Variants in DST observed in about 807,000 individuals in gnomAD.
DST encodes the protein bullous pemphigoid antigen.
In DST, 253 loss-of-function variants were observed where a neutral mutation model predicts 875.2. That is an observed-to-expected ratio of 0.29 (90% CI 0.26 to 0.32). The LOEUF (loss-of-function observed/expected upper bound fraction) is 0.32, where lower values mean the gene tolerates loss of function less well. Ranked by LOEUF, DST falls within the 10% of genes least tolerant of loss-of-function variation. The pLI, the probability that DST is intolerant of heterozygous loss-of-function variation, is 1.00. For synonymous variants in DST, 3,124 were observed against 3,197.1 expected (o/e 0.98, Z 0.77); for missense variants, 8,287 against 9,111.6 (o/e 0.91, Z 3.68).
rs774437015 is a variant in DST, at chr6:56,607,252, C to T, written c.7376G>A (p.Ser2459Asn). ...GSFNDTHTPESNGNKCEAPAL... is the reference protein window; with the variant it reads ...GSFNDTHTPENNGNKCEAPAL... ...TGGGGCTTCACACTTATTTCCATTG[C>T]TCTCTGGGGTGTGTGTATCATTAAA... Residue 2459 changes from serine (S) to asparagine (N), a missense_variant, in exon 40 of 104, where the codon AGC becomes AAC. By Grantham distance (46) the Ser-to-Asn change is conservative. Around this residue, in one of 10 missense-constraint regions of DST, gnomAD observed 3,138 missense variants for 3,116.6 expected, o/e 1.01. Coordinates refer to ENST00000680361, the MANE Select transcript of DST (RefSeq NM_001374736.1). 8.1e-6 allele frequency: 13 copies of T among 1,613,480 alleles called. No homozygotes were observed. Among genetic ancestry groups the T allele is most frequent in the Non-Finnish European group, 1.0e-5 (12 of 1,179,606 alleles).
intron 3 of DST, among the ~76,000 whole-genome samples, chr6:56,879,027 G>A (rs1443227767): frequency 6.6e-6 from 1 of 152,064 alleles, no homozygotes; most frequent in Non-Finnish European, 1.5e-5. Context: ...GAGTTAAATG[G>A]TAATTAGTGA....
intron 3 of DST, among the ~76,000 whole-genome samples, chr6:56,892,678 T>C (rs1788148489): frequency 6.6e-6 from 1 of 152,204 alleles, no homozygotes; most frequent in Non-Finnish European, 1.5e-5. Context: ...AAAGTAATTA[T>C]GCCTTAACCA....
intron 36 of DST, chr6:56,619,216 A>T: frequency 6.2e-7 from 1 of 1,613,926 alleles, no homozygotes; most frequent in Non-Finnish European, 8.5e-7. Context: ...TTTGCTGGAT[A>T]GTTTGTTTCT....
chr6:56,897,385 G>A (rs1791954513), intron 3 of DST, among the ~76,000 whole-genome samples: 1 of 151,748 alleles, frequency 6.6e-6, no homozygotes, highest in Non-Finnish European at 1.5e-5. Context: ...AGGCTGGAGT[G>A]CAATGGCACG....
intron 4 of DST, chr6:56,785,882 T>G (rs1404044481): frequency 6.5e-6 from 1 of 152,998 alleles, no homozygotes; most frequent in Non-Finnish European, 1.5e-5. Context: ...TCCTTATTCT[T>G]GATCTTGTTT....
chr6:56,495,910 C>T (rs991431152), intron 82 of DST, among the ~76,000 whole-genome samples: 15 of 152,044 alleles, frequency 9.9e-5, no homozygotes, highest in East Asian at 3.9e-4. Flanking sequence ...ATGATGGTTA[C>T]GCCCTCCTCA....
At position 56,696,444 on chromosome 6, in the gene DST, G is replaced by A. The variant is rs568186971; in HGVS notation, c.1047+3209C>T. 4.0e-4 allele frequency among the ~76,000 whole-genome samples: 61 copies of A among 152,274 alleles called. 1 individual carries two copies. In the South Asian group the frequency reaches 0.012, roughly 29 times the overall value. On this transcript the variant is annotated intron_variant, in intron 9 of 103. Coordinates refer to ENST00000680361, the MANE Select transcript of DST (RefSeq NM_001374736.1). ...CCCAAAGTGCTGGGATTACAGGTGT[G>A]AGCCACCGTGCACGGCCCGCAAAAC...
chr6:56,908,080 A>G (rs945200700), intron 2 of DST, among the ~76,000 whole-genome samples: 1 of 147,172 alleles, frequency 6.8e-6, no homozygotes, highest in Non-Finnish European at 1.5e-5. Context: ...ACAAAAAAAG[A>G]AAATACATAT....
At chr6:56,847,574 A>G (rs2099808487) in intron 4 of DST, among the ~76,000 whole-genome samples, 1 of 152,118 alleles carries the variant, frequency 6.6e-6, no homozygotes, top group Non-Finnish European at 1.5e-5. Context: ...TCCCATTTAC[A>G]CCCATCTCCC....
intron 2 of DST, among the ~76,000 whole-genome samples, chr6:56,950,698 A>G (rs970230238): frequency 1.3e-5 from 2 of 152,252 alleles, no homozygotes; most frequent in Non-Finnish European, 2.9e-5. Context: ...TAATATGCAT[A>G]CATAAAACAC....
At position 56,736,082 on chromosome 6, in the gene DST, G is replaced by T. The variant is rs143929934; in HGVS notation, c.626-793C>A. On this transcript the variant is annotated intron_variant, in intron 4 of 103. Coordinates refer to ENST00000680361, the MANE Select transcript of DST (RefSeq NM_001374736.1). ...TGTTTGTTTTGTATTTTTAGTAAGG[G>T]TTTCACCATGTTGGCCAGGCTGGTC... 7.1e-4 allele frequency among the ~76,000 whole-genome samples: 108 copies of T among 151,934 alleles called. 1 individual carries two copies. The East Asian group carries it at 0.02, about 28-fold the overall frequency.
chr6:56,887,691 A>G (rs907501133), intron 3 of DST, among the ~76,000 whole-genome samples: 12 of 152,214 alleles, frequency 7.9e-5, no homozygotes, highest in African/African-American at 2.9e-4. Context: ...AGAAAGACAT[A>G]GAAAGAATGG....
intron 75 of DST, among the ~76,000 whole-genome samples, chr6:56,507,888 G>A (rs1417718097): frequency 1.3e-5 from 2 of 152,116 alleles, no homozygotes; most frequent in African/African-American, 4.8e-5. Context: ...AGAGAAGACT[G>A]GCAGCAAGGT....
chr6:56,782,279 A>G (rs1336207781), intron 4 of DST, among the ~76,000 whole-genome samples: 4 of 152,090 alleles, frequency 2.6e-5, no homozygotes, highest in Non-Finnish European at 5.9e-5. Context: ...TATTGATTGG[A>G]CTAGTTTCAG....
Position 56,459,244 on chromosome 6 carries a change from G to C in DST, c.23218C>G (p.Pro7740Ala). 2 of 1,612,848 alleles carry C rather than the reference G, an allele frequency of 1.2e-6. No homozygotes were observed. Among genetic ancestry groups the C allele is most frequent in the South Asian group, 2.2e-5 (2 of 90,820 alleles). Residue 7740 changes from proline (P) to alanine (A), a missense_variant, in exon 104 of 104, where the codon CCA becomes GCA. Physicochemically the swap from Pro to Ala is conservative, Grantham distance 27. This residue lies in a region of DST where 240 missense variants were observed against 237.3 expected (regional missense o/e 1.01). Transcript: ENST00000680361. ...GCTTTGCTTCCAGCTCGACTTCCTG[G>C]TCGGCTGGGAGTCTTCTTGGAATCT... ...FADSKKTPSR[P>A]GSRAGSKAGS... is the part of the protein sequence containing the mutation.
intron 9 of DST, among the ~76,000 whole-genome samples, chr6:56,676,061 C>A (rs2099128013): frequency 2.0e-5 from 3 of 151,916 alleles, no homozygotes; most frequent in Non-Finnish European, 4.4e-5. Flanking sequence ...GGAAAGATAA[C>A]AAGTGGTTTT....
chr6:56,631,121 T>C, intron 30 of DST, 90 bp downstream of exon 30: 2 of 517,490 alleles, frequency 3.9e-6, no homozygotes. Context: ...AGTTAATATT[T>C]ATATTAATAA....
intron 12 of DST, 49 bp from the exon 13 acceptor site, chr6:56,648,738 T>C (rs2098958416): frequency 6.8e-7 from 1 of 1,464,194 alleles, no homozygotes; most frequent in Non-Finnish European, 9.2e-7. Flanking sequence ...GATAATAACA[T>C]TCATATCTAA....
At position 56,552,744 on chromosome 6, in the gene DST, A is replaced by C. The variant is rs1185398573; in HGVS notation, c.16048T>G (p.Ser5350Ala). 6.2e-7 allele frequency: 1 copy of C among 1,611,520 alleles called. No individual in the cohort carries two copies. The highest frequency in any genetic ancestry group is 8.5e-7 in the Non-Finnish European group (1 of 1,179,862). Residue 5350 changes from serine to alanine, a missense_variant, in exon 61 of 104, where the codon TCT becomes GCT. Ser to Ala is a moderately conservative substitution (Grantham distance 99). This residue lies in a region of DST where 1,513 missense variants were observed against 1,677.8 expected (regional missense o/e 0.90). Coordinates refer to ENST00000680361, the MANE Select transcript of DST (RefSeq NM_001374736.1). ...VVEASDSKGTSDVLLQVETIA... is the reference protein window; with the variant it reads ...VVEASDSKGTADVLLQVETIA... ...GTTTCCACTTGTAATAAAACATCAG[A>C]GGTTCCCTTTGAGTCTGAGGCCTCT...
Sources: allele counts gnomAD v4.1 joint callset (sites outside exome capture counted in the v4.1 genomes callset), GRCh38; gene constraint gnomAD v4.1.1; regional missense constraint gnomAD v4.1.1; transcripts MANE v1.5; gene names NCBI Gene and HGNC (gene_info 2026-07-23, HGNC 2026-07-21).